The following STAMBP variants were observed in gnomAD, a reference collection of about 807,000 sequenced individuals.
STAMBP encodes STAM binding protein, also known as STAM-binding protein.
Under a neutral mutation model 50.7 loss-of-function variants are expected in STAMBP, and 31 were observed. The ratio of observed to expected loss-of-function variants is 0.61; its 90% CI spans 0.46 to 0.83. The LOEUF (loss-of-function observed/expected upper bound fraction) is 0.83, where lower values mean the gene tolerates loss of function less well. Among genes scored for constraint, STAMBP ranks in the 40% least tolerant of loss-of-function variants. The pLI, the probability that STAMBP is intolerant of heterozygous loss-of-function variation, is 0.00. For missense variants in STAMBP, 472 were observed against 518.9 expected (o/e 0.91, Z 0.88); for synonymous variants, 211 against 192.4 (o/e 1.10, Z -0.80).
intron 2 of STAMBP, among the ~76,000 whole-genome samples, chr2:73,839,995 T>G (rs558169963): frequency 6.6e-6 from 1 of 152,376 alleles, no homozygotes; most frequent in African/African-American, 2.4e-5. Flanking sequence ...TCCTTCTTAA[T>G]GATGACTTCC....
chr2:73,864,855 G>A lies in STAMBP; in HGVS notation c.*2596G>A, dbSNP rs1318210424. 6.6e-6 allele frequency: 1 copy of A among 152,220 alleles called. No individual in the cohort carries two copies. Among genetic ancestry groups the A allele is most frequent in the East Asian group, 1.9e-4 (1 of 5,190 alleles). 9.4% of individuals were successfully genotyped at this position (152,220 alleles called of 1,614,324 possible). On this transcript the variant is annotated 3_prime_UTR_variant, in exon 10 of 10. Transcript: ENST00000394070. ...AGGCCAGGTGCAGAGAGAATCAGAG[G>A]AGCTGATTTGCTTGGGGTCAGAGCA...
downstream of STAMBP, among the ~76,000 whole-genome samples, chr2:73,871,812 G>C (rs2104773078): frequency 6.6e-6 from 1 of 152,198 alleles, no homozygotes; most frequent in East Asian, 1.9e-4. Flanking sequence ...GTGTCACCCA[G>C]GCTGGAGTGC....
intron 8 of STAMBP, among the ~76,000 whole-genome samples, chr2:73,859,820 T>G (rs1317885067): frequency 6.6e-6 from 1 of 152,150 alleles, no homozygotes; most frequent in Non-Finnish European, 1.5e-5. Flanking sequence ...CCACTTTGAT[T>G]ATTTACTATG....
At chr2:73,844,970 G>A (rs1232905589) in intron 3 of STAMBP, 82 bp downstream of exon 3, 1 of 1,552,726 alleles carries the variant, frequency 6.4e-7, no homozygotes, top group Non-Finnish European at 8.7e-7. Context: ...AGTAGTCTCT[G>A]CATCTGAGTA....
chr2:73,868,514 CAA>C (rs1679059069), downstream of STAMBP, among the ~76,000 whole-genome samples: 1 of 151,996 alleles, frequency 6.6e-6, no homozygotes, highest in Non-Finnish European at 1.5e-5. Context: ...CAAGCAGAAA[CAA>C]GAGTCTCTCA....
At chr2:73,852,434 T>C (rs570615277) in intron 7 of STAMBP, among the ~76,000 whole-genome samples, 1 of 152,282 alleles carries the variant, frequency 6.6e-6, no homozygotes, top group African/African-American at 2.4e-5. Flanking sequence ...CAGTTGGCAA[T>C]GTAGGGCTAG....
At chr2:73,843,119 A>C (rs1316905547) in intron 2 of STAMBP, among the ~76,000 whole-genome samples, 3 of 151,562 alleles carry the variant, frequency 2.0e-5, no homozygotes, top group Non-Finnish European at 4.4e-5. Flanking sequence ...ATTCTTCAGG[A>C]CTTTATGGTT....
At position 73,844,848 on chromosome 2, in the gene STAMBP, A is replaced by G. The variant is rs1453574533; in HGVS notation, c.239A>G (p.Tyr80Cys). The change falls in exon 3 of 10, where the codon TAC (tyrosine) becomes TGC (cysteine). Residue 80 changes from tyrosine (Y) to cysteine (C), a missense_variant. Transcript: ENST00000394070. ...FIEKLPKHRDYKSAVIPEKKD... is the reference protein window; with the variant it reads ...FIEKLPKHRDCKSAVIPEKKD... ...GAGAAACTACCAAAACATCGAGATT[A>G]CAAATCTGCTGTCATTCCTGAAAAG... is the stretch of plus-strand genomic sequence containing the variant. 3 of 1,613,966 alleles carry G rather than the reference A, an allele frequency of 1.9e-6. No homozygotes were observed. Among genetic ancestry groups the G allele is most frequent in the Non-Finnish European group, 1.7e-6 (2 of 1,180,008 alleles).
At chr2:73,839,464 T>A (rs933843661) in intron 2 of STAMBP, among the ~76,000 whole-genome samples, 1 of 152,206 alleles carries the variant, frequency 6.6e-6, no homozygotes. Flanking sequence ...AACTGTCACC[T>A]GTGTTGAAAA....
At chr2:73,840,972 G>A (rs141133648) in intron 2 of STAMBP, among the ~76,000 whole-genome samples, 6 of 152,028 alleles carry the variant, frequency 3.9e-5, no homozygotes, top group East Asian at 1.9e-4. Context: ...TAACCTTTAC[G>A]CCTTTGCCAA....
intron 7 of STAMBP, among the ~76,000 whole-genome samples, chr2:73,852,616 G>A (rs1024815697): frequency 6.6e-6 from 1 of 152,186 alleles, no homozygotes; most frequent in African/African-American, 2.4e-5. Context: ...ATGGAGCAAA[G>A]AGATGTATGA....
chr2:73,829,346 T>C lies in STAMBP; in HGVS notation c.-177T>C, dbSNP rs1573219024. Reference sequence around the variant, plus strand: ...CCCTCCGCTCATTCCTGCTACTTCCTTTCTCCTCCTCGTATTTCCCCCTCG... The same window carrying C: ...CCCTCCGCTCATTCCTGCTACTTCCCTTCTCCTCCTCGTATTTCCCCCTCG... On this transcript the variant is annotated 5_prime_UTR_variant, in exon 1 of 10. Coordinates refer to ENST00000394070, the MANE Select transcript of STAMBP (RefSeq NM_213622.4). 2 of 152,538 alleles carry C rather than the reference T, an allele frequency of 1.3e-5. No individual in the cohort carries two copies. Among genetic ancestry groups the C allele is most frequent in the East Asian group, 3.8e-4 (2 of 5,216 alleles). 9.4% of individuals were successfully genotyped at this position (152,538 alleles called of 1,614,324 possible).
At chr2:73,852,877 GTGTGTATT>G (rs1271935602) in intron 7 of STAMBP, among the ~76,000 whole-genome samples, 1 of 147,892 alleles carries the variant, frequency 6.8e-6, no homozygotes, top group Admixed American at 6.7e-5. Context: ...GTGTGTGTGT[GTGTGTATT>G]TTTAGTAGAC....
At chr2:73,852,692 G>GT (rs2104576868) in intron 7 of STAMBP, among the ~76,000 whole-genome samples, 1 of 152,210 alleles carries the variant, frequency 6.6e-6, no homozygotes, top group South Asian at 2.1e-4. Flanking sequence ...GTTTTGTTTT[G>GT]TTTTTGAGAC....
chr2:73,867,530 G>A (rs1019257767), downstream of STAMBP, among the ~76,000 whole-genome samples: 5 of 152,120 alleles, frequency 3.3e-5, no homozygotes, highest in African/African-American at 4.8e-5. Flanking sequence ...GGCAACGAGC[G>A]AAACTCCGTC....
Position 73,850,238 on chromosome 2 carries a change from C to T in STAMBP, c.868-138C>T. On this transcript the variant is annotated intron_variant, in intron 6 of 9. Transcript: ENST00000394070. This position sits in a 1 kb window ranked among gnomAD's most constrained non-coding sequence, Gnocchi z 4.3. ...GTGCATCAGCAGCCAAGGTTGTGAA[C>T]CACTGAGTGGCAGGACTCCTGCTGT... 1.7e-6 allele frequency: 2 copies of T among 1,163,764 alleles called. No individual in the cohort carries two copies. Among genetic ancestry groups the T allele is most frequent in the Non-Finnish European group, 2.4e-6 (2 of 832,234 alleles). 72.1% of individuals were successfully genotyped at this position (1,163,764 alleles called of 1,614,324 possible). A position where few individuals can be genotyped will look rare whatever the true frequency, so the allele number is the denominator to read the frequency against.
chr2:73,848,856 G>A lies in STAMBP; in HGVS notation c.743-507G>A, dbSNP rs537295111. Reference sequence around the variant, plus strand: ...GACAGAAAATTCCCAAATGTTTCAAGAACTTGTGTCTTTTTCCCCCCTAAA... The same window carrying A: ...GACAGAAAATTCCCAAATGTTTCAAAAACTTGTGTCTTTTTCCCCCCTAAA... On this transcript the variant is annotated intron_variant, in intron 5 of 9. Coordinates refer to ENST00000394070, the MANE Select transcript of STAMBP (RefSeq NM_213622.4). 1.3e-3 allele frequency among the ~76,000 whole-genome samples: 201 copies of A among 152,128 alleles called. 1 individual carries two copies. Among genetic ancestry groups the A allele is most frequent in the Non-Finnish European group, 2.3e-3 (158 of 67,986 alleles).
chr2:73,834,236 AATATATATATATATATAT>A (rs148699255), intron 2 of STAMBP, among the ~76,000 whole-genome samples: 632 of 36,238 alleles, frequency 0.017, 7 homozygotes, highest in Admixed American at 0.052. Flanking sequence ...AAAAAAAAAA[AATATATATATATATATAT>A]ATATATATAT....
chr2:73,847,951 G>A (rs1676340478), intron 5 of STAMBP, among the ~76,000 whole-genome samples, 198 bp downstream of exon 5: 1 of 152,142 alleles, frequency 6.6e-6, no homozygotes, highest in Non-Finnish European at 1.5e-5. Context: ...ACCTAGTCTG[G>A]TCGATTTTCT....
Sources: allele counts gnomAD v4.1 joint callset (sites outside exome capture counted in the v4.1 genomes callset), GRCh38; gene constraint gnomAD v4.1.1; non-coding constraint Gnocchi (gnomAD v3.1); transcripts MANE v1.5; gene names NCBI Gene and HGNC (gene_info 2026-07-23, HGNC 2026-07-21).